The following SYNE2 variants were observed in gnomAD, a reference collection of about 807,000 sequenced individuals.
The protein encoded by SYNE2 is nesprin-2.
A neutral mutation model predicts 856.3 loss-of-function variants in SYNE2; 431 were observed. The observed-to-expected ratio is 0.50, with a 90% CI of 0.47 to 0.55. SYNE2 has a LOEUF of 0.55. Ranked by LOEUF, SYNE2 falls within the 20% of genes least tolerant of loss-of-function variation. The probability of loss-of-function intolerance (pLI) is 0.00; values close to 1 mark genes in which losing one functional copy is unlikely to be tolerated. For missense variants in SYNE2, 8,129 were observed against 8,023.2 expected (o/e 1.01, Z -0.50); for synonymous variants, 2,923 against 2,872.3 (o/e 1.02, Z -0.56).
At chr14:64,131,561 T>TTTGG (rs1234878758) in intron 76 of SYNE2, among the ~76,000 whole-genome samples, 7 of 152,138 alleles carry the variant, frequency 4.6e-5, no homozygotes, top group African/African-American at 1.7e-4. Context: ...ACATCTGTTT[T>TTTGG]TTGTTTGTTT....
chr14:63,851,375 C>T (rs183878467), upstream of SYNE2, among the ~76,000 whole-genome samples: 31 of 152,076 alleles, frequency 2.0e-4, no homozygotes, highest in Admixed American at 1.1e-3. Context: ...AACAAACGAA[C>T]GAACAAACAA....
In SYNE2 at chr14:64,037,864, C is replaced by CGGACGGGGCGGCT. The variant is rs1395682095; in HGVS notation, c.7221+6510_7221+6522dup. On this transcript the variant is annotated intron_variant, in intron 45 of 115. Coordinates refer to ENST00000555002, the MANE Select transcript of SYNE2 (RefSeq NM_182914.3). ...GGGGCTGACACCCCCACCTCCCTCC[C>CGGACGGGGCGGCT]GGACGGGGCGGCTGGCCGGGCGGGG... Among the ~76,000 whole-genome samples, 62 of 150,956 alleles carry CGGACGGGGCGGCT rather than the reference C, an allele frequency of 4.1e-4. 2 individuals are homozygous for CGGACGGGGCGGCT. Among genetic ancestry groups the CGGACGGGGCGGCT allele is most frequent in the Non-Finnish European group, 7.1e-4 (48 of 67,602 alleles).
intron 1 of SYNE2, among the ~76,000 whole-genome samples, chr14:63,862,032 G>C (rs7145689): frequency 6.6e-6 from 1 of 152,022 alleles, no homozygotes; most frequent in Non-Finnish European, 1.5e-5. Flanking sequence ...TATCCCACCC[G>C]TGCTGGATTA....
At chr14:63,803,636 G>C (rs528634275) in intron 1 of SYNE2, among the ~76,000 whole-genome samples, 1 of 152,184 alleles carries the variant, frequency 6.6e-6, no homozygotes, top group African/African-American at 2.4e-5. Context: ...GTTCCTGCTC[G>C]CGCCTCTCCC....
intron 45 of SYNE2, among the ~76,000 whole-genome samples, chr14:64,037,106 G>C (rs2097096551): frequency 6.6e-6 from 1 of 151,772 alleles, no homozygotes; most frequent in Non-Finnish European, 1.5e-5. Flanking sequence ...GGTGTGGGGA[G>C]CATTTTTGAC....
At chr14:63,983,038 G>A (rs1566969669) in intron 17 of SYNE2, among the ~76,000 whole-genome samples, 1 of 152,024 alleles carries the variant, frequency 6.6e-6, no homozygotes, top group Non-Finnish European at 1.5e-5. Flanking sequence ...CTATAGATTA[G>A]CCTATTCTGG....
In SYNE2 at chr14:64,137,990, C is replaced by T; in HGVS notation, c.14843+7C>T. The T allele has an allele frequency of 1.9e-6, 3 of 1,611,918 alleles. No individual in the cohort carries two copies. The highest frequency in any genetic ancestry group is 1.7e-6 in the Non-Finnish European group (2 of 1,178,930). On this transcript the variant is annotated splice_region_variant and intron_variant, in intron 79 of 115. Transcript: ENST00000555002. The stretch of plus-strand genomic sequence containing the variant: ...TTCTCAAGCATCTGCTCAGGTCAGC[C>T]TTTTTGGGGGTGGATTGGCTTCATA...
chr14:63,847,311 G>A (rs1024900208), intron 1 of SYNE2, among the ~76,000 whole-genome samples: 1 of 151,554 alleles, frequency 6.6e-6, no homozygotes, highest in Non-Finnish European at 1.5e-5. Flanking sequence ...TAAATTAGTT[G>A]GGTGTGGTGG....
rs376799603 is a variant in SYNE2, at chr14:64,052,858, A to G, written c.8945A>G (p.Tyr2982Cys). ...EVNKGVKEEI[Y>C]NLKDRLTAIK... The stretch of plus-strand genomic sequence containing the variant: ...AATAAAGGTGTTAAAGAGGAGATCT[A>G]TAATCTTAAAGACAGACTCACCGCT... Residue 2982 changes from tyrosine to cysteine, a missense_variant, in exon 48 of 116, where the codon TAT (tyrosine) becomes TGT (cysteine). By Grantham distance (194) the Tyr-to-Cys change is radical. Coordinates refer to ENST00000555002, the MANE Select transcript of SYNE2 (RefSeq NM_182914.3). 5 of 1,613,706 alleles carry G rather than the reference A, an allele frequency of 3.1e-6. No homozygotes were observed. Among genetic ancestry groups the G allele is most frequent in the African/African-American group, 1.3e-5 (1 of 74,930 alleles).
chr14:64,147,409 A>G (rs1595837007), intron 84 of SYNE2, among the ~76,000 whole-genome samples: 2 of 152,176 alleles, frequency 1.3e-5, no homozygotes, highest in South Asian at 2.1e-4. Context: ...GTGGCTCCAG[A>G]TGGACCACAG....
chr14:63,982,538 GA>G lies in SYNE2; in HGVS notation c.1837-88del, dbSNP rs1406878413. 1.1e-4 allele frequency: 55 copies of G among 523,572 alleles called. 1 individual carries two copies. The highest frequency in any genetic ancestry group is 4.3e-4 in the East Asian group (7 of 16,174). The allele number at this position is 523,572 out of a possible 1,614,324, so 32.4% of individuals were successfully genotyped here. ...CCATCTCAAAAAAAAAAAAAAAAAA[GA>G]AAAGAAAAAAGCCTTGGTGAACATT... On this transcript the variant is annotated intron_variant, in intron 16 of 115. Transcript: ENST00000555002.
Position 64,056,279 on chromosome 14 carries a change from C to A in SYNE2, c.10067+13C>A, listed in dbSNP as rs1024640740. On this transcript the variant is annotated intron_variant, in intron 49 of 115. Transcript: ENST00000555002. ...CTGAGGCAGAAAGGTAGGTCCTCTT[C>A]CAAAGGTAATCTTTAAGAACATAAA... is the stretch of plus-strand genomic sequence containing the variant. 3.1e-6 allele frequency: 5 copies of A among 1,605,588 alleles called. No homozygotes were observed. Among genetic ancestry groups the A allele is most frequent in the African/African-American group, 1.3e-5 (1 of 74,762 alleles).
chr14:63,840,163 G>C (rs1890000420), intron 1 of SYNE2, among the ~76,000 whole-genome samples: 1 of 152,080 alleles, frequency 6.6e-6, no homozygotes, highest in Admixed American at 6.6e-5. Flanking sequence ...CCAGCTACTT[G>C]GGAGGCTAAG....
At position 64,137,955 on chromosome 14, in the gene SYNE2, C is replaced by G; in HGVS notation, c.14815C>G (p.Leu4939Val). 4 of 1,614,036 alleles carry G rather than the reference C, an allele frequency of 2.5e-6. No individual in the cohort carries two copies. Among genetic ancestry groups the G allele is most frequent in the Non-Finnish European group, 3.4e-6 (4 of 1,179,964 alleles). ...GAAAATTGACCATGAGCTCCACAGG[C>G]TGCAAGCTCTTCTCAAGCATCTGCT... is the stretch of plus-strand genomic sequence containing the variant. ...NKKIDHELHR[L>V]QALLKHLLSY... is the part of the protein sequence containing the mutation. Residue 4939 changes from leucine to valine, a missense_variant, in exon 79 of 116, where the codon CTG (leucine) becomes GTG (valine). This residue lies in a region of SYNE2 where 5,410 missense variants were observed against 5,284.8 expected (regional missense o/e 1.02). Transcript: ENST00000555002.
chr14:63,974,892 G>GTGTGTATATATATATA (rs1375697679), intron 11 of SYNE2, among the ~76,000 whole-genome samples: 28 of 67,302 alleles, frequency 4.2e-4, no homozygotes, highest in South Asian at 8.6e-4. Context: ...GTGTGTGTGT[G>GTGTGTATATATATATA]TATATATATA....
rs149333121 is a variant in SYNE2, at chr14:64,134,460, A to T, written c.14646+260A>T. ...CACTTCTGTGACCTTGCTGTCCCTA[A>T]GCCTCAATTTCTTTATCTGTGGAAT... is the stretch of plus-strand genomic sequence containing the variant. On this transcript the variant is annotated intron_variant, in intron 78 of 115. Coordinates refer to ENST00000555002, the MANE Select transcript of SYNE2 (RefSeq NM_182914.3). 4.6e-5 allele frequency among the ~76,000 whole-genome samples: 7 copies of T among 152,300 alleles called. No homozygotes were observed. The East Asian group carries it at 1.4e-3, about 29-fold the overall frequency.
intron 44 of SYNE2, among the ~76,000 whole-genome samples, chr14:64,030,538 T>C (rs977536444): frequency 6.6e-6 from 1 of 152,232 alleles, no homozygotes; most frequent in Admixed American, 6.5e-5. Flanking sequence ...TGTTTACGCA[T>C]TTACTATTGA....
In SYNE2 at chr14:64,184,185, G is replaced by A. The variant is rs539606162; in HGVS notation, c.17557-2239G>A. On this transcript the variant is annotated intron_variant, in intron 96 of 115. Transcript: ENST00000555002. ...CAGCCAAATTGCTTTCCTTTCAGCCGTACATTTTGGTATCTGAAAACTTGC... is the reference window on the plus strand; with the variant it reads ...CAGCCAAATTGCTTTCCTTTCAGCCATACATTTTGGTATCTGAAAACTTGC... 7.2e-5 allele frequency among the ~76,000 whole-genome samples: 11 copies of A among 152,098 alleles called. No homozygotes were observed. In the South Asian group the frequency reaches 1.7e-3, roughly 23 times the overall value.
At position 64,162,155 on chromosome 14, in the gene SYNE2, C is replaced by T. The variant is rs147173048; in HGVS notation, c.16178C>T (p.Ala5393Val). ...CAGCTCTGGAAGGCCTATAGCAATG[C>T]TCATGGTGAAGCTGCCGCAAGGCTG... ...LLQLWKAYSN[A>V]HGEAAARLKQ... Residue 5393 changes from alanine to valine, a missense_variant, in exon 88 of 116, where the codon GCT (alanine) becomes GTT (valine). This residue lies in a region of SYNE2 where 5,410 missense variants were observed against 5,284.8 expected (regional missense o/e 1.02). Transcript: ENST00000555002. 852 of 1,614,208 alleles carry T rather than the reference C, an allele frequency of 5.3e-4. 3 individuals carry two copies. The highest frequency in any genetic ancestry group is 2.3e-3 in the Admixed American group (140 of 60,030).
Sources: allele counts gnomAD v4.1 joint callset (sites outside exome capture counted in the v4.1 genomes callset), GRCh38; gene constraint gnomAD v4.1.1; regional missense constraint gnomAD v4.1.1; transcripts MANE v1.5; gene names NCBI Gene and HGNC (gene_info 2026-07-23, HGNC 2026-07-21).